Variants in SCHIP1 observed in about 807,000 individuals in gnomAD.
SCHIP1 encodes schwannomin-interacting protein 1.
In SCHIP1, 8 loss-of-function variants were observed where a neutral mutation model predicts 29.7. The observed-to-expected ratio is 0.27, with a 90% CI of 0.16 to 0.49. The LOEUF is 0.49. Ranked by LOEUF, SCHIP1 falls within the 20% of genes least tolerant of loss-of-function variation. The pLI, the probability that SCHIP1 is intolerant of heterozygous loss-of-function variation, is 0.99. For missense variants in SCHIP1, 193 were observed against 294.6 expected, an observed-to-expected ratio of 0.66 and a Z score of 2.52; for synonymous variants, 76 against 94.9, an observed-to-expected ratio of 0.80 and a Z score of 1.16.
the SCHIP1 span, among the ~76,000 whole-genome samples, chr3:159,358,134 T>C: frequency 6.6e-6 from 1 of 152,200 alleles, no homozygotes; most frequent in Non-Finnish European, 1.5e-5. Context: ...CAGCAATGGC[T>C]GTCATGGAAG....
At chr3:159,593,517 CCT>C in the SCHIP1 span, among the ~76,000 whole-genome samples, 1 of 152,294 alleles carries the variant, frequency 6.6e-6, no homozygotes, top group East Asian at 1.9e-4. Context: ...AGTAGCCCAA[CCT>C]CTCTGCGCCT....
the SCHIP1 span, among the ~76,000 whole-genome samples, chr3:159,376,241 A>G: frequency 6.6e-6 from 1 of 152,190 alleles, no homozygotes; most frequent in South Asian, 2.1e-4. Flanking sequence ...GCAGTATTCT[A>G]CCATCCAGCA....
upstream of SCHIP1, among the ~76,000 whole-genome samples, chr3:159,837,675 C>T (rs942940763): frequency 1.1e-4 from 16 of 151,562 alleles, no homozygotes; most frequent in Non-Finnish European, 2.2e-4. Context: ...GTGAGCCGAT[C>T]ACACCACTCC....
chr3:159,368,325 A>G, the SCHIP1 span, among the ~76,000 whole-genome samples: 1,191 of 152,172 alleles, frequency 7.8e-3, 16 homozygotes, highest in African/African-American at 0.028. Context: ...GTCAAGCTCC[A>G]TCTCCTAGCT....
At chr3:159,371,640 C>T in the SCHIP1 span, among the ~76,000 whole-genome samples, 4 of 152,082 alleles carry the variant, frequency 2.6e-5, no homozygotes, top group African/African-American at 9.7e-5. Flanking sequence ...GGATTGGTTC[C>T]TGGACCTACC....
the SCHIP1 span, among the ~76,000 whole-genome samples, chr3:159,385,182 A>T: frequency 6.6e-6 from 1 of 152,202 alleles, no homozygotes; most frequent in Non-Finnish European, 1.5e-5. Flanking sequence ...AAAAAGTGAA[A>T]GTTTAAATTG....
chr3:159,320,550 T>A, the SCHIP1 span, among the ~76,000 whole-genome samples: 1 of 152,334 alleles, frequency 6.6e-6, no homozygotes, highest in East Asian at 1.9e-4. Flanking sequence ...CAGGTTCAGA[T>A]CTTCTTGGCA....
the SCHIP1 span, among the ~76,000 whole-genome samples, chr3:159,546,368 A>G: frequency 6.6e-6 from 1 of 152,140 alleles, no homozygotes; most frequent in Non-Finnish European, 1.5e-5. Flanking sequence ...ACATTTTTAT[A>G]GATAACTTTT....
At chr3:159,788,470 A>G in the SCHIP1 span, among the ~76,000 whole-genome samples, 1 of 152,214 alleles carries the variant, frequency 6.6e-6, no homozygotes, top group African/African-American at 2.4e-5. Flanking sequence ...GAGACACTCA[A>G]CACAATTCCT....
chr3:159,357,275 G>A, the SCHIP1 span, among the ~76,000 whole-genome samples: 1 of 152,146 alleles, frequency 6.6e-6, no homozygotes, highest in Non-Finnish European at 1.5e-5. Flanking sequence ...GAATTTACTA[G>A]GATTTACATA....
chr3:159,609,753 T>G, the SCHIP1 span, among the ~76,000 whole-genome samples: 1 of 152,134 alleles, frequency 6.6e-6, no homozygotes, highest in African/African-American at 2.4e-5. Flanking sequence ...GAGTGTTATG[T>G]GAGAGATAAA....
the SCHIP1 span, among the ~76,000 whole-genome samples, chr3:159,718,924 A>G: frequency 1.3e-5 from 2 of 152,236 alleles, no homozygotes; most frequent in Admixed American, 1.3e-4. Context: ...CACATTGCCA[A>G]GACAATCCTA....
the SCHIP1 span, among the ~76,000 whole-genome samples, chr3:159,375,518 C>G: frequency 6.6e-6 from 1 of 152,118 alleles, no homozygotes; most frequent in Non-Finnish European, 1.5e-5. Flanking sequence ...AGGTGGATCA[C>G]GAGGTCAGGA....
the SCHIP1 span, among the ~76,000 whole-genome samples, chr3:159,432,427 G>A: frequency 6.6e-6 from 1 of 151,514 alleles, no homozygotes; most frequent in Admixed American, 6.6e-5. Context: ...AAATTATTTA[G>A]TGGAAGTCAT....
At chr3:159,581,754 A>G in the SCHIP1 span, among the ~76,000 whole-genome samples, 1 of 152,226 alleles carries the variant, frequency 6.6e-6, no homozygotes, top group Non-Finnish European at 1.5e-5. Flanking sequence ...CCTGATTTCA[A>G]ATCTACAGTA....
the SCHIP1 span, among the ~76,000 whole-genome samples, chr3:159,668,723 G>A: frequency 1.3e-5 from 2 of 152,144 alleles, no homozygotes; most frequent in African/African-American, 4.8e-5. Context: ...ATTAATAACT[G>A]TTCAGACATT....
At chr3:159,432,440 A>G in the SCHIP1 span, among the ~76,000 whole-genome samples, 1 of 152,120 alleles carries the variant, frequency 6.6e-6, no homozygotes, top group South Asian at 2.1e-4. Context: ...GAAGTCATAC[A>G]TGTTCACTTC....
the SCHIP1 span, among the ~76,000 whole-genome samples, chr3:159,548,213 A>G: frequency 6.6e-6 from 1 of 152,064 alleles, no homozygotes; most frequent in South Asian, 2.1e-4. Context: ...TAGAGAAGCC[A>G]TTTTAGCCTG....
chr3:159,529,543 T>C, the SCHIP1 span, among the ~76,000 whole-genome samples: 1 of 152,332 alleles, frequency 6.6e-6, no homozygotes, highest in South Asian at 2.1e-4. Context: ...AAGCATACAA[T>C]GTGTAATAAT....
Sources: allele counts gnomAD v4.1 joint callset (sites outside exome capture counted in the v4.1 genomes callset), GRCh38; gene constraint gnomAD v4.1.1; transcripts MANE v1.5; gene names NCBI Gene and HGNC (gene_info 2026-07-23, HGNC 2026-07-21).